The following ENPP6 variants were observed in gnomAD, a reference collection of about 807,000 sequenced individuals.
ENPP6 encodes ectonucleotide pyrophosphatase/phosphodiesterase 6.
In ENPP6, 32 loss-of-function variants were observed where a neutral mutation model predicts 42.0. The ratio of observed to expected loss-of-function variants is 0.76; its 90% CI spans 0.58 to 1.02. The LOEUF (loss-of-function observed/expected upper bound fraction) is 1.02, where lower values mean the gene tolerates loss of function less well. Ranked by LOEUF, ENPP6 falls within the 50% of genes least tolerant of loss-of-function variation. The pLI is 0.00. For synonymous variants in ENPP6, 213 were observed against 216.0 expected (o/e 0.99, Z 0.12); for missense variants, 552 against 566.8 (o/e 0.97, Z 0.27).
At chr4:184,101,208 T>C (rs1380674871) in intron 6 of ENPP6, among the ~76,000 whole-genome samples, 1 of 151,778 alleles carries the variant, frequency 6.6e-6, no homozygotes, top group Non-Finnish European at 1.5e-5. Context: ...AGTGTGTGAG[T>C]GCATGAGTGT....
At chr4:184,156,042 G>C (rs1737154634) in intron 1 of ENPP6, among the ~76,000 whole-genome samples, 1 of 152,230 alleles carries the variant, frequency 6.6e-6, no homozygotes, top group Non-Finnish European at 1.5e-5. Context: ...GAGACAGAGA[G>C]AGACAGAGAG....
At chr4:184,122,013 C>A (rs140202321) in intron 3 of ENPP6, among the ~76,000 whole-genome samples, 1 of 152,278 alleles carries the variant, frequency 6.6e-6, no homozygotes, top group Non-Finnish European at 1.5e-5. Context: ...TATTATTATT[C>A]TTTTCTTTCT....
chr4:184,133,698 AT>A (rs35142222), intron 2 of ENPP6, among the ~76,000 whole-genome samples: 2,000 of 147,902 alleles, frequency 0.014, 46 homozygotes, highest in East Asian at 0.069. Flanking sequence ...GTTTGCTGTC[AT>A]TTTTTTTTTT....
chr4:184,204,475 A>G (rs1456735301), intron 1 of ENPP6, among the ~76,000 whole-genome samples: 2 of 152,290 alleles, frequency 1.3e-5, no homozygotes, highest in Admixed American at 6.5e-5. Context: ...AACCGTCCTC[A>G]CAGTGTTCCA....
chr4:184,171,031 G>A lies in ENPP6; in HGVS notation c.242-17298C>T, dbSNP rs142894230. ...AGGGGGTGGATCAGTTATCTGTTTT[G>A]GTGTAACTGACAACCTCAAACCTCA... On this transcript the variant is annotated intron_variant, in intron 1 of 7. Coordinates refer to ENST00000296741, the MANE Select transcript of ENPP6 (RefSeq NM_153343.4). 7.2e-5 allele frequency among the ~76,000 whole-genome samples: 11 copies of A among 152,282 alleles called. No individual in the cohort carries two copies. In the East Asian group the frequency reaches 1.2e-3, roughly 16 times the overall value.
intron 1 of ENPP6, among the ~76,000 whole-genome samples, chr4:184,182,740 A>G (rs778241687): frequency 6.6e-6 from 1 of 152,228 alleles, no homozygotes; most frequent in Non-Finnish European, 1.5e-5. Flanking sequence ...CATTATCCTC[A>G]GCAAACAAAT....
chr4:184,147,534 T>G (rs1482234382), intron 2 of ENPP6, among the ~76,000 whole-genome samples: 1 of 152,112 alleles, frequency 6.6e-6, no homozygotes, highest in Non-Finnish European at 1.5e-5. Context: ...TAATCCCAGC[T>G]CTTTGGGAGG....
intron 2 of ENPP6, among the ~76,000 whole-genome samples, chr4:184,144,785 C>T (rs1197855526): frequency 8.5e-5 from 13 of 152,252 alleles, no homozygotes; most frequent in Non-Finnish European, 1.9e-4. Context: ...AGAGAGAGGC[C>T]TCAGGATGTG....
intron 1 of ENPP6, among the ~76,000 whole-genome samples, chr4:184,196,600 C>T (rs1172246473): frequency 6.6e-6 from 1 of 152,152 alleles, no homozygotes; most frequent in African/African-American, 2.4e-5. Flanking sequence ...CATGTCAAAG[C>T]CTTTTGGAAG....
intron 1 of ENPP6, among the ~76,000 whole-genome samples, chr4:184,199,764 G>T (rs1327702703): frequency 6.6e-6 from 1 of 152,178 alleles, no homozygotes; most frequent in Non-Finnish European, 1.5e-5. Context: ...GTACAAAACA[G>T]GTCGAATTGG....
At chr4:184,103,539 T>C (rs1038615780) in intron 6 of ENPP6, among the ~76,000 whole-genome samples, 5 of 152,236 alleles carry the variant, frequency 3.3e-5, no homozygotes, top group Non-Finnish European at 7.3e-5. Flanking sequence ...AATGTTCAAG[T>C]CATGGGTGGC....
intron 5 of ENPP6, among the ~76,000 whole-genome samples, chr4:184,115,705 T>C (rs1245609833): frequency 1.3e-5 from 2 of 152,182 alleles, no homozygotes; most frequent in Non-Finnish European, 2.9e-5. Context: ...GGGGAGCTTG[T>C]CTGGCTTCCA....
intron 5 of ENPP6, among the ~76,000 whole-genome samples, chr4:184,113,876 T>G (rs1430322386): frequency 6.6e-6 from 1 of 151,626 alleles, no homozygotes; most frequent in Non-Finnish European, 1.5e-5. Flanking sequence ...TCTCTTTCTC[T>G]TTCTTTTTCC....
In ENPP6 at chr4:184,184,941, G is replaced by A. The variant is rs751313654; in HGVS notation, c.242-31208C>T. ...TAGGGAGCTGACACAAAGGCTGCGA[G>A]ACAGGAGGAATGGGAGGAGAGGAGC... On this transcript the variant is annotated intron_variant, in intron 1 of 7. Coordinates refer to ENST00000296741, the MANE Select transcript of ENPP6 (RefSeq NM_153343.4). The surrounding 1 kb of genome is among the most constrained non-coding windows in gnomAD (Gnocchi z 4.7). Among the ~76,000 whole-genome samples the A allele has an allele frequency of 1.3e-5, 2 of 152,216 alleles. No individual in the cohort carries two copies. Among genetic ancestry groups the A allele is most frequent in the Non-Finnish European group, 2.9e-5 (2 of 68,038 alleles).
intron 1 of ENPP6, among the ~76,000 whole-genome samples, chr4:184,204,786 C>T (rs1048498289): frequency 2.6e-5 from 4 of 152,228 alleles, no homozygotes; most frequent in Admixed American, 2.6e-4. Context: ...AATCAGTTCA[C>T]TAAATGCAAA....
intron 1 of ENPP6, among the ~76,000 whole-genome samples, chr4:184,179,786 A>G (rs1732523124): frequency 1.3e-5 from 2 of 152,230 alleles, no homozygotes; most frequent in Admixed American, 6.5e-5. Flanking sequence ...GTAAATCATG[A>G]AATTAAGGCA....
chr4:184,088,921 A>T lies in ENPP6; in HGVS notation c.*2256T>A, dbSNP rs1208314262. 6.6e-6 allele frequency: 1 copy of T among 152,216 alleles called. No individual in the cohort carries two copies. Among genetic ancestry groups the T allele is most frequent in the African/African-American group, 2.4e-5 (1 of 41,466 alleles). The allele number at this position is 152,216 out of a possible 1,614,324, so 9.4% of individuals were successfully genotyped here. The stretch of plus-strand genomic sequence containing the variant: ...AAAATGGCAGAAGAGTTCAGGAAAG[A>T]CAAAAATGCAAGACTGTGTCTAAGT... On this transcript the variant is annotated 3_prime_UTR_variant, in exon 8 of 8. Coordinates refer to ENST00000296741, the MANE Select transcript of ENPP6 (RefSeq NM_153343.4).
At chr4:184,173,793 G>T (rs777559562) in intron 1 of ENPP6, among the ~76,000 whole-genome samples, 5 of 152,156 alleles carry the variant, frequency 3.3e-5, no homozygotes, top group Non-Finnish European at 5.9e-5. Context: ...GAATAGGAGG[G>T]CATGATTCTA....
intron 1 of ENPP6, among the ~76,000 whole-genome samples, chr4:184,162,503 GA>G (rs1737277221): frequency 6.6e-6 from 1 of 150,600 alleles, no homozygotes; most frequent in Non-Finnish European, 1.5e-5. Flanking sequence ...TTCTACTTTT[GA>G]AAGAAGGAAA....
Sources: allele counts gnomAD v4.1 joint callset (sites outside exome capture counted in the v4.1 genomes callset), GRCh38; gene constraint gnomAD v4.1.1; non-coding constraint Gnocchi (gnomAD v3.1); transcripts MANE v1.5; gene names NCBI Gene and HGNC (gene_info 2026-07-23, HGNC 2026-07-21).